Variants in CHD5 observed in about 807,000 individuals in gnomAD.
CHD5 encodes chromodomain helicase DNA binding protein 5, also known as ATP-dependent chromatin remodeler CHD5.
In CHD5, 69 loss-of-function variants were observed where a neutral mutation model predicts 230.3. That is an observed-to-expected ratio of 0.30 (90% CI 0.25 to 0.37). The LOEUF is 0.37. CHD5 is among the 10% of genes least tolerant of loss of function. The probability of loss-of-function intolerance (pLI) is 1.00; values close to 1 mark genes in which losing one functional copy is unlikely to be tolerated. For synonymous variants in CHD5, 1,064 were observed against 1,065.9 expected (o/e 1.00, Z 0.03); for missense variants, 1,827 against 2,622.8 (o/e 0.70, Z 6.63).
At position 6,110,668 on chromosome 1, in the gene CHD5, G is replaced by A. The variant is rs1337683517; in HGVS notation, c.5250-142C>T. 3 of 812,762 alleles carry A rather than the reference G, an allele frequency of 3.7e-6. No homozygotes were observed. The African/African-American group carries it at 5.1e-5, about 14-fold the overall frequency. The allele number at this position is 812,762 out of a possible 1,614,324, so 50.3% of individuals were successfully genotyped here. ...CTCAGGCAAGTCCTTAAGCCCAGCT[G>A]CACGAGGAACATATTGATGACACAA... On this transcript the variant is annotated intron_variant, in intron 36 of 41. Coordinates refer to ENST00000262450, the MANE Select transcript of CHD5 (RefSeq NM_015557.3).
At position 6,113,666 on chromosome 1, in the gene CHD5, C is replaced by G. The variant is rs187100392; in HGVS notation, c.4913-668G>C. ...GCAGAGAACTGGAATGATGCCAACA[C>G]GGTCCAACACCGTGGTCTCTGAAGG... is the stretch of plus-strand genomic sequence containing the variant. On this transcript the variant is annotated intron_variant, in intron 33 of 41. Transcript: ENST00000262450. Among the ~76,000 whole-genome samples the G allele has an allele frequency of 9.8e-5, 15 of 152,348 alleles. No individual in the cohort carries two copies. The East Asian group carries it at 1.7e-3, about 18-fold the overall frequency.
In CHD5 at chr1:6,102,105, C is replaced by G. The variant is rs1484396937; in HGVS notation, c.*3369G>C. 2.8e-6 allele frequency: 1 copy of G among 357,996 alleles called. No individual in the cohort carries two copies. Among genetic ancestry groups the G allele is most frequent in the African/African-American group, 2.3e-5 (1 of 42,956 alleles). 22.2% of individuals were successfully genotyped at this position (357,996 alleles called of 1,614,324 possible). A position where few individuals can be genotyped will look rare whatever the true frequency, so the allele number is the denominator to read the frequency against. ...GGTGGAGTCTGCTCCCTCCACACCC[C>G]TGAACTCAGACCCCACGGGCCAGTG... is the stretch of plus-strand genomic sequence containing the variant. On this transcript the variant is annotated 3_prime_UTR_variant, in exon 42 of 42. Coordinates refer to ENST00000262450, the MANE Select transcript of CHD5 (RefSeq NM_015557.3).
intron 1 of CHD5, among the ~76,000 whole-genome samples, chr1:6,170,883 C>T (rs968914507): frequency 3.1e-4 from 47 of 152,176 alleles, no homozygotes; most frequent in Admixed American, 2.3e-3. Flanking sequence ...GTGGGGCAGC[C>T]GATGGGATGC....
chr1:6,113,092 A>G (rs1666318645), intron 33 of CHD5, 94 bp from the exon 34 acceptor site: 1 of 857,040 alleles, frequency 1.2e-6, no homozygotes, highest in African/African-American at 1.7e-5. Flanking sequence ...AACCCTATCC[A>G]TCAATATGTT....
At chr1:6,138,560 A>C (rs1017572974) in intron 15 of CHD5, among the ~76,000 whole-genome samples, 1 of 152,196 alleles carries the variant, frequency 6.6e-6, no homozygotes, top group Non-Finnish European at 1.5e-5. Context: ...TGCCTGTGAG[A>C]GAGCAGAGAG....
intron 9 of CHD5, among the ~76,000 whole-genome samples, chr1:6,147,134 A>G (rs767435898): frequency 6.6e-6 from 1 of 152,212 alleles, no homozygotes; most frequent in Non-Finnish European, 1.5e-5. Context: ...AGAATATCTG[A>G]GCCAGCGTAG....
intron 33 of CHD5, among the ~76,000 whole-genome samples, chr1:6,119,213 C>T (rs1557539898): frequency 1.3e-5 from 2 of 152,060 alleles, no homozygotes; most frequent in Non-Finnish European, 1.5e-5. Flanking sequence ...GTGGTGCGAC[C>T]TCAGCCTCCC....
In CHD5 at chr1:6,161,191, G is replaced by A. The variant is rs370852232; in HGVS notation, c.208-1676C>T. ...AATGAGGAGGCAGCAAAGGCGGGGG[G>A]CCTCCCTGGATAGTCTTGGGAGGCC... On this transcript the variant is annotated intron_variant, in intron 2 of 41. Coordinates refer to ENST00000262450, the MANE Select transcript of CHD5 (RefSeq NM_015557.3). Among the ~76,000 whole-genome samples, 607 of 152,170 alleles carry A rather than the reference G, an allele frequency of 4.0e-3. 3 individuals are homozygous for A. The highest frequency in any genetic ancestry group is 0.013 in the African/African-American group (546 of 41,542).
At chr1:6,179,279 T>C (rs959028859) in intron 1 of CHD5, among the ~76,000 whole-genome samples, 3 of 152,012 alleles carry the variant, frequency 2.0e-5, no homozygotes, top group African/African-American at 7.2e-5. Flanking sequence ...GGGCGCTAGG[T>C]CGCGCCAGAA....
chr1:6,149,536 G>T, intron 7 of CHD5, 124 bp from the exon 8 acceptor site: 1 of 917,626 alleles, frequency 1.1e-6, no homozygotes, highest in Non-Finnish European at 1.6e-6. Flanking sequence ...GGAAAGGTGG[G>T]TGGGTGAATA....
intron 2 of CHD5, among the ~76,000 whole-genome samples, chr1:6,166,193 G>A (rs1264656348): frequency 6.6e-6 from 1 of 151,034 alleles, no homozygotes; most frequent in Non-Finnish European, 1.5e-5. Flanking sequence ...GGGAAGACAG[G>A]GTGGTACACA....
chr1:6,131,557 T>C lies in CHD5; in HGVS notation c.3262+74A>G. The C allele has an allele frequency of 1.2e-6, 1 of 852,820 alleles. No homozygotes were observed. Among genetic ancestry groups the C allele is most frequent in the Admixed American group, 1.9e-5 (1 of 52,548 alleles). 52.8% of individuals were successfully genotyped at this position (852,820 alleles called of 1,614,324 possible). ...TCAACACAACACCAGCTGGGTGACC[T>C]GGCTAAGAACCAGGCCTGGGAGAAG... On this transcript the variant is annotated intron_variant, in intron 21 of 41. Transcript: ENST00000262450. This position sits in a 1 kb window ranked among gnomAD's most constrained non-coding sequence, Gnocchi z 5.0.
intron 1 of CHD5, among the ~76,000 whole-genome samples, chr1:6,169,355 C>G (rs923380787): frequency 6.6e-6 from 1 of 152,222 alleles, no homozygotes; most frequent in Non-Finnish European, 1.5e-5. Context: ...TCAGGACTCA[C>G]CTCACCTGCA....
chr1:6,162,098 G>T (rs1667188063), intron 2 of CHD5, among the ~76,000 whole-genome samples: 1 of 151,996 alleles, frequency 6.6e-6, no homozygotes, highest in Non-Finnish European at 1.5e-5. Flanking sequence ...AAAATGCCTT[G>T]AGGCTGGGCG....
chr1:6,146,811 C>A lies in CHD5; in HGVS notation c.1444G>T (p.Ala482Ser), dbSNP rs1380126630. 1 of 1,580,114 alleles carries A rather than the reference C, an allele frequency of 6.3e-7. No homozygotes were observed. Among genetic ancestry groups the A allele is most frequent in the East Asian group, 2.3e-5 (1 of 44,376 alleles). ...CCCGGCAGCCCCACCATGAAGGGGGCAGGGGGCTCCGTCCACCTCCAGTGT... is the reference window on the plus strand; with the variant it reads ...CCCGGCAGCCCCACCATGAAGGGGGAAGGGGGCTCCGTCCACCTCCAGTGT... ...ILHWRWTEPP[A>S]PFMVGLPGPD... The change falls in exon 10 of 42, where the codon GCC (alanine) becomes TCC (serine). Residue 482 changes from alanine (A) to serine (S), a missense_variant. Coordinates refer to ENST00000262450, the MANE Select transcript of CHD5 (RefSeq NM_015557.3). The surrounding 1 kb of genome is among the most constrained non-coding windows in gnomAD (Gnocchi z 5.1).
intron 15 of CHD5, among the ~76,000 whole-genome samples, chr1:6,137,495 C>A (rs553778946): frequency 1.3e-5 from 2 of 152,268 alleles, no homozygotes; most frequent in Non-Finnish European, 1.5e-5. Flanking sequence ...CCCCACTCCC[C>A]CCAGGGTTAT....
At position 6,129,352 on chromosome 1, in the gene CHD5, C is replaced by T. The variant is rs1035204046; in HGVS notation, c.3388-283G>A. ...GTGCAAGAGTGTGTGAGGGATGATA[C>T]GGCCAGTGTGCTGGGTGTAACTGAA... On this transcript the variant is annotated intron_variant, in intron 22 of 41. Transcript: ENST00000262450. The surrounding 1 kb of genome is among the most constrained non-coding windows in gnomAD (Gnocchi z 6.8). 2.0e-5 allele frequency among the ~76,000 whole-genome samples: 3 copies of T among 152,128 alleles called. No homozygotes were observed. Among genetic ancestry groups the T allele is most frequent in the Admixed American group, 6.5e-5 (1 of 15,280 alleles).
rs1024254784 is a variant in CHD5 at position 6,172,024 on chromosome 1, G to A, written c.80-3747C>T. Among the ~76,000 whole-genome samples, 4 of 152,222 alleles carry A rather than the reference G, an allele frequency of 2.6e-5. No individual in the cohort carries two copies. The South Asian group carries it at 6.2e-4, about 24-fold the overall frequency. On this transcript the variant is annotated intron_variant, in intron 1 of 41. Transcript: ENST00000262450. ...GTGGAGGCGGGGTGGGGCTCAAGTC[G>A]ACCAGAGGAAGGAGAGGCACCTTCT...
At position 6,103,562 on chromosome 1, in the gene CHD5, G is replaced by T. The variant is rs148818341; in HGVS notation, c.*1912C>A. Reference sequence around the variant, plus strand: ...CAGTGCTTGCCACTGCTTGTTTGGGGACGAGGGCACGGGAGTGAGCTTCTG... The same window carrying T: ...CAGTGCTTGCCACTGCTTGTTTGGGTACGAGGGCACGGGAGTGAGCTTCTG... On this transcript the variant is annotated 3_prime_UTR_variant, in exon 42 of 42. Coordinates refer to ENST00000262450, the MANE Select transcript of CHD5 (RefSeq NM_015557.3). 2.0e-5 allele frequency: 3 copies of T among 152,386 alleles called. No individual in the cohort carries two copies. The highest frequency in any genetic ancestry group is 7.2e-5 in the African/African-American group (3 of 41,470). The allele number at this position is 152,386 out of a possible 1,614,324, so 9.4% of individuals were successfully genotyped here.
Sources: allele counts gnomAD v4.1 joint callset (sites outside exome capture counted in the v4.1 genomes callset), GRCh38; gene constraint gnomAD v4.1.1; non-coding constraint Gnocchi (gnomAD v3.1); transcripts MANE v1.5; gene names NCBI Gene and HGNC (gene_info 2026-07-23, HGNC 2026-07-21).